CAP2: variants seen among roughly 807,000 people sequenced by gnomAD.
The protein encoded by CAP2 is adenylyl cyclase-associated protein 2.
Under a neutral mutation model 57.7 loss-of-function variants are expected in CAP2, and 24 were observed. The observed-to-expected ratio is 0.42, with a 90% CI of 0.30 to 0.58. CAP2 has a LOEUF of 0.58. Ranked by LOEUF, CAP2 falls within the 20% of genes least tolerant of loss-of-function variation. CAP2 has a pLI of 0.22. For synonymous variants in CAP2, 194 were observed against 207.2 expected (o/e 0.94, Z 0.55); for missense variants, 501 against 590.3 (o/e 0.85, Z 1.57).
intron 4 of CAP2, among the ~76,000 whole-genome samples, chr6:17,465,772 C>T (rs1429612869): frequency 1.3e-5 from 2 of 152,166 alleles, no homozygotes; most frequent in Non-Finnish European, 2.9e-5. Flanking sequence ...TTGCGAAAGG[C>T]GTGTAATTTA....
chr6:17,437,627 T>G (rs1759929812), intron 3 of CAP2, among the ~76,000 whole-genome samples: 1 of 151,382 alleles, frequency 6.6e-6, no homozygotes, highest in African/African-American at 2.4e-5. Context: ...GCCTGTAATC[T>G]CAGCACTTTG....
chr6:17,415,723 G>A (rs1759256383), intron 1 of CAP2, among the ~76,000 whole-genome samples: 2 of 152,192 alleles, frequency 1.3e-5, no homozygotes, highest in Admixed American at 6.5e-5. Flanking sequence ...GGTGCTGACA[G>A]GAAAGAAAGC....
At chr6:17,471,638 C>T (rs1455158817) in intron 4 of CAP2, among the ~76,000 whole-genome samples, 7 of 152,020 alleles carry the variant, frequency 4.6e-5, no homozygotes, top group Admixed American at 4.6e-4. Context: ...CGAGACCATC[C>T]TGGCTAACAC....
At chr6:17,522,017 G>A (rs1475368581) in intron 7 of CAP2, among the ~76,000 whole-genome samples, 1 of 152,118 alleles carries the variant, frequency 6.6e-6, no homozygotes, top group African/African-American at 2.4e-5. Context: ...GCTGAGGCAG[G>A]AGAATCGCTT....
intron 3 of CAP2, among the ~76,000 whole-genome samples, chr6:17,432,485 C>T (rs1759761144): frequency 6.6e-6 from 1 of 152,182 alleles, no homozygotes; most frequent in African/African-American, 2.4e-5. Flanking sequence ...TTTATTACCA[C>T]TAGATGTGGA....
At chr6:17,531,629 C>T (rs1762642713) in intron 7 of CAP2, 2 of 1,239,916 alleles carry the variant, frequency 1.6e-6, no homozygotes, top group Non-Finnish European at 2.3e-6. Context: ...CTCTTCTACA[C>T]CTTCCATGGT....
At chr6:17,501,693 C>T (rs1220208758) in intron 4 of CAP2, among the ~76,000 whole-genome samples, 1 of 152,124 alleles carries the variant, frequency 6.6e-6, no homozygotes, top group Non-Finnish European at 1.5e-5. Context: ...TGATAAAACT[C>T]ATCTTACTTT....
intron 2 of CAP2, among the ~76,000 whole-genome samples, chr6:17,422,648 C>T (rs916735810): frequency 1.2e-4 from 18 of 152,092 alleles, no homozygotes; most frequent in Admixed American, 1.0e-3. Context: ...CATACCTGGC[C>T]AACCAAATAT....
chr6:17,478,297 C>CTTTT (rs58472723), intron 4 of CAP2, among the ~76,000 whole-genome samples: 1 of 120,398 alleles, frequency 8.3e-6, no homozygotes, highest in African/African-American at 3.5e-5. Flanking sequence ...ACTACACCTA[C>CTTTT]TTTTTTTTTT....
At chr6:17,397,556 G>T (rs934687703) in intron 1 of CAP2, among the ~76,000 whole-genome samples, 2 of 151,892 alleles carry the variant, frequency 1.3e-5, no homozygotes, top group African/African-American at 2.4e-5. Flanking sequence ...TTAGCCGGGC[G>T]TGGTGGCGGG....
rs1215486316 is a variant in CAP2, at chr6:17,532,204, G to A, written c.637-7065G>A. Among the ~76,000 whole-genome samples the A allele has an allele frequency of 7.3e-5, 10 of 136,530 alleles. No individual in the cohort carries two copies. In the Admixed American group the frequency reaches 8.2e-4, roughly 11 times the overall value. 89.6% of individuals were successfully genotyped at this position (136,530 alleles called of 152,430 possible). Reference sequence around the variant, plus strand: ...CCCCCAGGCAGGAGTGCAGTGGCACGATCTGGGATCACTGCAACCTCCGCC... The same window carrying A: ...CCCCCAGGCAGGAGTGCAGTGGCACAATCTGGGATCACTGCAACCTCCGCC... On this transcript the variant is annotated intron_variant, in intron 7 of 12. Transcript: ENST00000229922.
intron 1 of CAP2, among the ~76,000 whole-genome samples, chr6:17,407,773 G>A (rs1561772225): frequency 1.0e-5 from 1 of 97,294 alleles, no homozygotes; most frequent in Non-Finnish European, 2.0e-5. Context: ...AGCAAGACTC[G>A]GTCTCAAAAA....
chr6:17,396,876 G>T (rs913313826), intron 1 of CAP2, among the ~76,000 whole-genome samples: 2 of 152,134 alleles, frequency 1.3e-5, no homozygotes, highest in African/African-American at 4.8e-5. Context: ...AAAAGTACTA[G>T]ATTGTTAGTA....
chr6:17,544,206 A>G (rs924735074), intron 11 of CAP2, among the ~76,000 whole-genome samples: 9 of 152,198 alleles, frequency 5.9e-5, no homozygotes, highest in African/African-American at 2.2e-4. Context: ...TGCACATAGT[A>G]GGCGTCCAGT....
At chr6:17,395,405 G>GT (rs1758640910) in intron 1 of CAP2, among the ~76,000 whole-genome samples, 1 of 152,098 alleles carries the variant, frequency 6.6e-6, no homozygotes, top group Non-Finnish European at 1.5e-5. Context: ...ATATTCTTCT[G>GT]TTTTTTTCCA....
At chr6:17,529,342 A>G (rs1038176334) in intron 7 of CAP2, among the ~76,000 whole-genome samples, 2 of 151,872 alleles carry the variant, frequency 1.3e-5, no homozygotes, top group African/African-American at 2.4e-5. Context: ...TTTGACATTG[A>G]AAATATAAAC....
chr6:17,508,851 G>A (rs112625537), intron 6 of CAP2, among the ~76,000 whole-genome samples: 21 of 151,032 alleles, frequency 1.4e-4, no homozygotes, highest in African/African-American at 4.9e-4. Context: ...TCTGCCTCCC[G>A]GGTTCAAGCG....
intron 1 of CAP2, among the ~76,000 whole-genome samples, chr6:17,394,302 A>G (rs573820151): frequency 2.6e-5 from 4 of 152,008 alleles, no homozygotes; most frequent in East Asian, 3.9e-4. Context: ...TGCAGAGGCA[A>G]CTGAGACTGG....
chr6:17,419,706 C>A (rs763638594), intron 1 of CAP2, among the ~76,000 whole-genome samples: 2 of 151,506 alleles, frequency 1.3e-5, no homozygotes, highest in Non-Finnish European at 2.9e-5. Flanking sequence ...TTTTCCTAGA[C>A]GGAGTCTTGC....
Sources: allele counts gnomAD v4.1 joint callset (sites outside exome capture counted in the v4.1 genomes callset), GRCh38; gene constraint gnomAD v4.1.1; transcripts MANE v1.5; gene names NCBI Gene and HGNC (gene_info 2026-07-23, HGNC 2026-07-21).